BORCS5: variants seen among roughly 807,000 people sequenced by gnomAD.
BORCS5 encodes BLOC-1 related complex subunit 5, also known as BLOC-1-related complex subunit 5.
BORCS5 carries 17 observed loss-of-function variants against 22.1 expected under a neutral mutation model. The observed-to-expected ratio is 0.77, with a 90% CI of 0.53 to 1.15. The LOEUF (loss-of-function observed/expected upper bound fraction) is 1.15, where lower values mean the gene tolerates loss of function less well. Among genes scored for constraint, BORCS5 ranks in the 50% most tolerant of loss-of-function variants. The pLI is 0.00. For missense variants in BORCS5, 247 were observed against 253.2 expected (o/e 0.98, Z 0.17); for synonymous variants, 117 against 99.8 (o/e 1.17, Z -1.03).
chr12:12,419,360 C>A (rs1356317103), intron 2 of BORCS5, among the ~76,000 whole-genome samples: 1 of 152,164 alleles, frequency 6.6e-6, no homozygotes, highest in Non-Finnish European at 1.5e-5. Context: ...CATGTCCCTG[C>A]AAAGGACATG....
chr12:12,366,315 A>T (rs1565829097), intron 2 of BORCS5, among the ~76,000 whole-genome samples: 1 of 152,244 alleles, frequency 6.6e-6, no homozygotes, highest in Non-Finnish European at 1.5e-5. Flanking sequence ...GGTGATCTGC[A>T]GAGGCAGTGG....
At chr12:12,424,170 A>G (rs955640420) in intron 2 of BORCS5, among the ~76,000 whole-genome samples, 3 of 152,126 alleles carry the variant, frequency 2.0e-5, no homozygotes, top group South Asian at 2.1e-4. Flanking sequence ...GACTCCCACA[A>G]TGCATACGGT....
chr12:12,410,597 G>T (rs1042270596), intron 2 of BORCS5, among the ~76,000 whole-genome samples: 2 of 151,950 alleles, frequency 1.3e-5, no homozygotes, highest in African/African-American at 2.4e-5. Flanking sequence ...TCTCTGTTTT[G>T]GTACCAGTAC....
intron 3 of BORCS5, among the ~76,000 whole-genome samples, chr12:12,457,614 G>T (rs1178731054): frequency 6.6e-6 from 1 of 152,182 alleles, no homozygotes; most frequent in Non-Finnish European, 1.5e-5. Flanking sequence ...AGCCTGCAGT[G>T]AGCCGAGATC....
At chr12:12,426,221 G>A (rs531107474) in intron 2 of BORCS5, among the ~76,000 whole-genome samples, 8 of 152,158 alleles carry the variant, frequency 5.3e-5, no homozygotes, top group African/African-American at 1.7e-4. Flanking sequence ...ATTGTTTAGG[G>A]CAGATGAGCA....
chr12:12,361,433 C>T, intron 2 of BORCS5, 84 bp downstream of exon 2: 1 of 1,465,144 alleles, frequency 6.8e-7, no homozygotes, highest in Admixed American at 1.7e-5. Flanking sequence ...ATCCATGTAT[C>T]TTGCTCTCTC....
At chr12:12,431,969 T>C (rs905295237) in intron 2 of BORCS5, among the ~76,000 whole-genome samples, 8 of 152,210 alleles carry the variant, frequency 5.3e-5, no homozygotes, top group East Asian at 3.9e-4. Context: ...GCTGGAATTA[T>C]AGGCATGAGC....
intron 3 of BORCS5, among the ~76,000 whole-genome samples, chr12:12,449,227 G>A (rs1373772297): frequency 6.6e-6 from 1 of 152,162 alleles, no homozygotes; most frequent in Non-Finnish European, 1.5e-5. Context: ...TAGTCAGAAA[G>A]GGCTGGGGTG....
At chr12:12,386,648 T>A (rs1218694300) in intron 2 of BORCS5, among the ~76,000 whole-genome samples, 1 of 115,502 alleles carries the variant, frequency 8.7e-6, no homozygotes, top group Non-Finnish European at 1.8e-5. Context: ...TTTTGTATTT[T>A]TCATAGAGAC....
chr12:12,358,877 T>C (rs1305429652), intron 1 of BORCS5, among the ~76,000 whole-genome samples: 1 of 152,142 alleles, frequency 6.6e-6, no homozygotes, highest in Non-Finnish European at 1.5e-5. Flanking sequence ...AAATATTTCT[T>C]GAAAAGAAAT....
At chr12:12,381,688 G>A (rs1271058736) in intron 2 of BORCS5, among the ~76,000 whole-genome samples, 3 of 151,334 alleles carry the variant, frequency 2.0e-5, no homozygotes, top group East Asian at 3.9e-4. Context: ...TTAGGTCTGC[G>A]ATCCATTTTG....
At chr12:12,462,533 A>G (rs1014365575) in intron 3 of BORCS5, among the ~76,000 whole-genome samples, 2 of 152,248 alleles carry the variant, frequency 1.3e-5, no homozygotes, top group Non-Finnish European at 2.9e-5. Context: ...TTTTATTGGT[A>G]GATGAATGGA....
intron 3 of BORCS5, among the ~76,000 whole-genome samples, chr12:12,438,228 G>A (rs996027626): frequency 6.6e-6 from 1 of 151,794 alleles, no homozygotes; most frequent in Non-Finnish European, 1.5e-5. Flanking sequence ...AGGTGTGATG[G>A]TGCATGCCTG....
At chr12:12,391,905 G>A (rs1292350508) in intron 2 of BORCS5, among the ~76,000 whole-genome samples, 1 of 126,522 alleles carries the variant, frequency 7.9e-6, no homozygotes, top group Non-Finnish European at 1.7e-5. Flanking sequence ...ATTTAGGCAG[G>A]CATGGGGGTT....
intron 2 of BORCS5, among the ~76,000 whole-genome samples, chr12:12,367,874 A>G (rs911912847): frequency 6.6e-6 from 1 of 152,134 alleles, no homozygotes. Context: ...TTGTCTCGCA[A>G]CTAGCTTAGT....
intron 3 of BORCS5, among the ~76,000 whole-genome samples, chr12:12,438,360 C>CAAAAAA (rs57737663): frequency 1.7e-4 from 4 of 23,800 alleles, no homozygotes; most frequent in African/African-American, 3.5e-4. Context: ...GATTTCATCT[C>CAAAAAA]AAAAAAAAAA....
At chr12:12,385,787 C>T (rs948408551) in intron 2 of BORCS5, among the ~76,000 whole-genome samples, 6 of 151,100 alleles carry the variant, frequency 4.0e-5, no homozygotes, top group Non-Finnish European at 7.4e-5. Context: ...GGATTACAGG[C>T]GTGAGCCGCC....
intron 3 of BORCS5, among the ~76,000 whole-genome samples, chr12:12,463,885 C>T (rs1317599723): frequency 7.2e-5 from 11 of 152,206 alleles, no homozygotes; most frequent in Non-Finnish European, 1.6e-4. Context: ...GATAGAAACT[C>T]TTCAAGCATC....
At chr12:12,412,783 G>A (rs1041473966) in intron 2 of BORCS5, among the ~76,000 whole-genome samples, 4 of 151,692 alleles carry the variant, frequency 2.6e-5, no homozygotes, top group Non-Finnish European at 5.9e-5. Context: ...TTATGTTGAG[G>A]TAGTCTCCTT....
Sources: gnomAD v4.1 joint callset for allele counts (sites outside exome capture counted in the v4.1 genomes callset) on GRCh38, gnomAD v4.1.1 for gene constraint, MANE v1.5 for transcripts, NCBI Gene and HGNC (gene_info 2026-07-23, HGNC 2026-07-21) for gene names.